The following CGREF1 variants were observed in gnomAD, a reference collection of about 807,000 sequenced individuals.
CGREF1 encodes the protein cell growth regulator with EF-hand domain 1, also known as cell growth regulator with EF hand domain protein 1.
Under a neutral mutation model 17.4 loss-of-function variants are expected in CGREF1, and 16 were observed. The ratio of observed to expected loss-of-function variants is 0.92; its 90% confidence interval spans 0.62 to 1.40. The LOEUF is 1.40. CGREF1 is among the 40% of genes most tolerant of loss of function. The pLI is 0.00. For missense variants in CGREF1, 296 were observed against 376.4 expected (o/e 0.79, Z 1.77); for synonymous variants, 142 against 154.6 (o/e 0.92, Z 0.61).
At chr2:27,116,773 T>C (rs1310565197) in intron 1 of CGREF1, among the ~76,000 whole-genome samples, 1 of 151,356 alleles carries the variant, frequency 6.6e-6, no homozygotes, top group Non-Finnish European at 1.5e-5. Context: ...TTCGGCATCT[T>C]GGCCAGGCTG....
intron 1 of CGREF1, among the ~76,000 whole-genome samples, chr2:27,109,567 G>A (rs4233715): frequency 0.98 from 149,378 of 152,234 alleles, 73,339 homozygotes; most frequent in East Asian, 1. Flanking sequence ...GGAAGAGAGT[G>A]GACATATTGA....
chr2:27,102,948 T>C (rs544960501), intron 2 of CGREF1: 4 of 985,344 alleles, frequency 4.1e-6, no homozygotes, highest in African/African-American at 3.5e-5. Context: ...TCTCCTTCCA[T>C]GCTGGGAGCC....
At chr2:27,099,757 G>A (rs376415830), downstream of CGREF1, 1 of 1,613,562 alleles carries the variant, frequency 6.2e-7, no homozygotes, top group Non-Finnish European at 8.5e-7. Flanking sequence ...GTGAGAGCAG[G>A]TGCCGGCTCC....
intron 1 of CGREF1, among the ~76,000 whole-genome samples, chr2:27,109,973 C>T (rs1468093105): frequency 6.8e-6 from 1 of 147,304 alleles, no homozygotes; most frequent in African/African-American, 2.5e-5. Context: ...AGCCTCAAAC[C>T]AGTAGAAAAA....
chr2:27,103,100 T>C, intron 2 of CGREF1: 1 of 985,380 alleles, frequency 1.0e-6, no homozygotes, highest in Non-Finnish European at 1.2e-6. Flanking sequence ...GCTCAGGATC[T>C]CGTTGTCAGT....
chr2:27,116,924 T>TCTC (rs1558467022), intron 1 of CGREF1, among the ~76,000 whole-genome samples: 1 of 92,496 alleles, frequency 1.1e-5, no homozygotes, highest in Non-Finnish European at 2.1e-5. Context: ...TCTCTCTCTC[T>TCTC]TTTTTTGAGA....
downstream of CGREF1, chr2:27,100,583 T>A (rs1049111395): frequency 8.6e-6 from 11 of 1,274,642 alleles, no homozygotes; most frequent in African/African-American, 1.1e-4. Context: ...GGCTTTAGAG[T>A]GAGACAGACC....
Position 27,101,676 on chromosome 2 carries a change from AG to A in CGREF1, c.554del (p.Pro185LeufsTer11). 1 of 1,614,212 alleles carries A rather than the reference AG, an allele frequency of 6.2e-7. No individual in the cohort carries two copies. Among genetic ancestry groups the A allele is most frequent in the Non-Finnish European group, 8.5e-7 (1 of 1,180,036 alleles). On this transcript the variant is annotated frameshift_variant, in exon 6 of 6. Coordinates refer to ENST00000402394, the MANE Select transcript of CGREF1 (RefSeq NM_006569.6). LOFTEE classifies it low-confidence loss of function (END_TRUNC). ...SPLRQETQEA[P>X]GPREEAKGQV... is the part of the protein sequence containing the mutation. ...GGCCCTTTGCTTCTTCTCTGGGACC[AG>A]GGGCTTCCTGTGTTTCTTGTCTTAA...
At chr2:27,113,187 G>A (rs1013425789) in intron 1 of CGREF1, among the ~76,000 whole-genome samples, 3 of 152,132 alleles carry the variant, frequency 2.0e-5, no homozygotes, top group African/African-American at 7.2e-5. Flanking sequence ...GTCAGCTGAG[G>A]GTTCCAGTCT....
At chr2:27,114,986 C>A (rs1478368246) in intron 1 of CGREF1, among the ~76,000 whole-genome samples, 3 of 152,182 alleles carry the variant, frequency 2.0e-5, no homozygotes, top group Non-Finnish European at 4.4e-5. Context: ...CCTCCTGCCT[C>A]GGCTTTCCAA....
intron 1 of CGREF1, among the ~76,000 whole-genome samples, chr2:27,114,861 AC>A (rs1405358184): frequency 2.0e-5 from 3 of 152,156 alleles, no homozygotes; most frequent in Non-Finnish European, 4.4e-5. Context: ...GCTTGTCTCC[AC>A]AGCCTGCACT....
At chr2:27,099,450 G>A (rs148627840), downstream of CGREF1, 1 of 1,613,984 alleles carries the variant, frequency 6.2e-7, no homozygotes, top group Non-Finnish European at 8.5e-7. Context: ...GGGCTGAGGA[G>A]GGCGCCGACG....
intron 1 of CGREF1, among the ~76,000 whole-genome samples, chr2:27,111,233 G>C (rs1671367729): frequency 6.6e-6 from 1 of 152,140 alleles, no homozygotes; most frequent in South Asian, 2.1e-4. Context: ...TACAATCCCT[G>C]AGCTAGACAC....
chr2:27,101,534 C>T lies in CGREF1; in HGVS notation c.697G>A (p.Gly233Arg). 6.2e-7 allele frequency: 1 copy of T among 1,610,854 alleles called. No homozygotes were observed. Among genetic ancestry groups the T allele is most frequent in the South Asian group, 1.1e-5 (1 of 90,954 alleles). ...GEAEGQAEAK[G>R]DAPGPRGEAG... ...TCCCCTCTGGGCCCAGGGGCATCTC[C>T]TTTAGCCTCTGCCTGGCCCTCAGCT... Residue 233 changes from glycine to arginine, a missense_variant, in exon 6 of 6, where the codon GGA becomes AGA. Physicochemically the swap from Gly to Arg is moderately radical, Grantham distance 125 (BLOSUM62 -2). This residue lies in a region of CGREF1 where 9 missense variants were observed against 68.4 expected (regional missense o/e 0.13). Transcript: ENST00000402394.
At chr2:27,107,504 T>G (rs931005301) in intron 1 of CGREF1, among the ~76,000 whole-genome samples, 1 of 151,566 alleles carries the variant, frequency 6.6e-6, no homozygotes, top group African/African-American at 2.4e-5. Context: ...CTGCCCACCT[T>G]GGCCTCCCAA....
At chr2:27,118,458 C>T (rs1203635407) in intron 1 of CGREF1, among the ~76,000 whole-genome samples, 2 of 152,186 alleles carry the variant, frequency 1.3e-5, no homozygotes, top group East Asian at 3.9e-4. Context: ...GTCCCTCGGC[C>T]ACCTGCAAGC....
intron 1 of CGREF1, chr2:27,104,843 TTG>T: frequency 7.0e-7 from 1 of 1,419,324 alleles, no homozygotes. Context: ...AATGGACTGT[TTG>T]TGTTTATTAA....
At position 27,101,879 on chromosome 2, in the gene CGREF1, T is replaced by C; in HGVS notation, c.352A>G (p.Ile118Val). 1.2e-6 allele frequency: 2 copies of C among 1,611,894 alleles called. No homozygotes were observed. The highest frequency in any genetic ancestry group is 2.2e-5 in the East Asian group (1 of 44,850). ...TGGGTCTCGAGCACTTTGTCCACTA[T>C]CAAGATCACCTGTGGAAGCAGAGTC... ...NSPTTNPVILIVDKVLETQDL... is the reference protein window; with the variant it reads ...NSPTTNPVILVVDKVLETQDL... Residue 118 changes from isoleucine to valine, a missense_variant, in exon 6 of 6, where the codon ATA becomes GTA. Ile to Val is a conservative substitution (Grantham distance 29). This residue lies in a region of CGREF1 where 247 missense variants were observed against 267.2 expected (regional missense o/e 0.92). Coordinates refer to ENST00000402394, the MANE Select transcript of CGREF1 (RefSeq NM_006569.6).
At chr2:27,103,135 A>T in intron 2 of CGREF1, 13 of 984,684 alleles carry the variant, frequency 1.3e-5, no homozygotes, top group Non-Finnish European at 1.6e-5. Context: ...ATGTGCTCCC[A>T]CTTCTGGACT....
Sources: allele counts gnomAD v4.1 joint callset (sites outside exome capture counted in the v4.1 genomes callset), GRCh38; gene constraint gnomAD v4.1.1; regional missense constraint gnomAD v4.1.1; transcripts MANE v1.5; gene names NCBI Gene and HGNC (gene_info 2026-07-23, HGNC 2026-07-21).